Variants in NTF3 observed in about 807,000 individuals in gnomAD.
NTF3 encodes neurotrophin-3.
Under a neutral mutation model 26.3 loss-of-function variants are expected in NTF3, and 8 were observed. The observed-to-expected ratio is 0.30, with a 90% CI of 0.18 to 0.55. The LOEUF (loss-of-function observed/expected upper bound fraction) is 0.55, where lower values mean the gene tolerates loss of function less well. Among genes scored for constraint, NTF3 ranks in the 20% least tolerant of loss-of-function variants. The pLI is 0.93. For missense variants in NTF3, 276 were observed against 352.9 expected, an observed-to-expected ratio of 0.78 and a Z score of 1.75; for synonymous variants, 154 against 145.5, an observed-to-expected ratio of 1.06 and a Z score of -0.42.
chr12:5,452,387 G>A (rs1048772235), intron 1 of NTF3, among the ~76,000 whole-genome samples: 7 of 152,142 alleles, frequency 4.6e-5, no homozygotes, highest in Admixed American at 3.3e-4. Flanking sequence ...GAGCCACCGC[G>A]CCTGGCCCTC....
chr12:5,482,101 CATAG>C (rs1369333070), intron 1 of NTF3, among the ~76,000 whole-genome samples: 1 of 152,078 alleles, frequency 6.6e-6, no homozygotes, highest in East Asian at 1.9e-4. Context: ...GCACTACATA[CATAG>C]AGACATACAA....
intron 1 of NTF3, among the ~76,000 whole-genome samples, chr12:5,492,252 C>A (rs953424193): frequency 1.3e-5 from 2 of 152,166 alleles, no homozygotes; most frequent in African/African-American, 4.8e-5. Flanking sequence ...CTTATTCTAC[C>A]TGGGACCTCC....
intron 1 of NTF3, among the ~76,000 whole-genome samples, chr12:5,459,320 C>T (rs1384841396): frequency 6.6e-6 from 1 of 152,140 alleles, no homozygotes; most frequent in Non-Finnish European, 1.5e-5. Context: ...CAATTCTTGC[C>T]AGTGGAAGAG....
chr12:5,458,331 G>A (rs1029587383), intron 1 of NTF3, among the ~76,000 whole-genome samples: 3 of 152,134 alleles, frequency 2.0e-5, no homozygotes, highest in Admixed American at 2.0e-4. Flanking sequence ...GTCCTCTGTC[G>A]CATTCTGGGG....
intron 1 of NTF3, among the ~76,000 whole-genome samples, chr12:5,452,963 C>T (rs1214211839): frequency 6.6e-6 from 1 of 152,208 alleles, no homozygotes; most frequent in African/African-American, 2.4e-5. Flanking sequence ...GCCGGGCTGA[C>T]TTGGCTGTGA....
intron 1 of NTF3, among the ~76,000 whole-genome samples, chr12:5,477,189 G>A (rs1940735447): frequency 1.3e-5 from 2 of 152,198 alleles, no homozygotes; most frequent in Admixed American, 1.3e-4. Context: ...CCTAGTGTTT[G>A]AGAACGTGGG....
chr12:5,468,919 G>A (rs1940628180), intron 1 of NTF3, among the ~76,000 whole-genome samples: 1 of 152,172 alleles, frequency 6.6e-6, no homozygotes, highest in South Asian at 2.1e-4. Flanking sequence ...CCAGGAGTAA[G>A]AGACCAGCCT....
chr12:5,456,849 C>T lies in NTF3; in HGVS notation c.18+24507C>T, dbSNP rs983503055. Among the ~76,000 whole-genome samples the T allele has an allele frequency of 2.0e-5, 3 of 152,182 alleles. No individual in the cohort carries two copies. Among genetic ancestry groups the T allele is most frequent in the African/African-American group, 7.2e-5 (3 of 41,444 alleles). ...TCAAGTGATTTGGGCCCGAGTTGAC[C>T]CAGAGTCCCTAAATGACTGCTGTGT... On this transcript the variant is annotated intron_variant, in intron 1 of 1. Coordinates refer to ENST00000423158, the MANE Select transcript of NTF3 (RefSeq NM_001102654.2). This position sits in a 1 kb window ranked among gnomAD's most constrained non-coding sequence, Gnocchi z 4.4.
At chr12:5,431,991 G>A, upstream of NTF3, 1 of 149,402 alleles carries the variant, frequency 6.7e-6, no homozygotes, top group Non-Finnish European at 1.5e-5. Flanking sequence ...GCGGGCGCGC[G>A]CGGCGCGGCG....
chr12:5,465,255 G>A (rs1030617310), intron 1 of NTF3, among the ~76,000 whole-genome samples: 38 of 152,232 alleles, frequency 2.5e-4, no homozygotes, highest in African/African-American at 8.7e-4. Context: ...GGGAGAGCCC[G>A]ATTCAAGGCA....
intron 1 of NTF3, among the ~76,000 whole-genome samples, chr12:5,490,037 C>T (rs1373270198): frequency 2.0e-5 from 3 of 152,178 alleles, no homozygotes; most frequent in Non-Finnish European, 4.4e-5. Flanking sequence ...TCTTGGAAAA[C>T]TCTGAGCAGG....
At chr12:5,482,503 T>C (rs1242242137) in intron 1 of NTF3, among the ~76,000 whole-genome samples, 2 of 152,212 alleles carry the variant, frequency 1.3e-5, no homozygotes, top group African/African-American at 2.4e-5. Flanking sequence ...GCTTTGGAGA[T>C]GGTGGCAGGG....
chr12:5,490,304 G>A (rs765118818), intron 1 of NTF3, among the ~76,000 whole-genome samples: 1 of 152,198 alleles, frequency 6.6e-6, no homozygotes, highest in Non-Finnish European at 1.5e-5. Flanking sequence ...GTAAATAGAC[G>A]TCGAAAGTCC....
Position 5,433,399 on chromosome 12 carries a change from G to T in NTF3, c.18+1057G>T, listed in dbSNP as rs1008566055. The T allele has an allele frequency of 6.6e-6, 1 of 152,466 alleles. No homozygotes were observed. The highest frequency in any genetic ancestry group is 6.5e-5 in the Admixed American group (1 of 15,298). The allele number at this position is 152,466 out of a possible 1,614,324, so 9.4% of individuals were successfully genotyped here. On this transcript the variant is annotated intron_variant, in intron 1 of 1. Transcript: ENST00000423158. The surrounding 1 kb of genome is among the most constrained non-coding windows in gnomAD (Gnocchi z 4.6). ...TGCCCCAGAGCTTTACTCAGTGGTG[G>T]ATGCTCCTGATGAAATTTGGGACGC...
At chr12:5,454,295 T>C (rs948534618) in intron 1 of NTF3, among the ~76,000 whole-genome samples, 1 of 152,218 alleles carries the variant, frequency 6.6e-6, no homozygotes, top group African/African-American at 2.4e-5. Flanking sequence ...ACACTGTCTT[T>C]CCTCTGTGCA....
intron 1 of NTF3, among the ~76,000 whole-genome samples, chr12:5,464,661 C>T (rs1425278821): frequency 6.6e-6 from 1 of 152,122 alleles, no homozygotes; most frequent in East Asian, 1.9e-4. Context: ...TGATGCAGGG[C>T]CAAGCTTCAG....
intron 1 of NTF3, among the ~76,000 whole-genome samples, chr12:5,467,027 C>G (rs890378372): frequency 1.3e-5 from 2 of 151,960 alleles, no homozygotes; most frequent in African/African-American, 4.8e-5. Flanking sequence ...GTCAGGAGTT[C>G]AAGACCAGCC....
intron 1 of NTF3, among the ~76,000 whole-genome samples, chr12:5,474,579 A>C (rs1223723416): frequency 6.6e-6 from 1 of 152,200 alleles, no homozygotes; most frequent in East Asian, 1.9e-4. Context: ...TGAAGGGCAG[A>C]CAATGCTGAG....
intron 1 of NTF3, among the ~76,000 whole-genome samples, chr12:5,486,548 T>A (rs537482359): frequency 6.6e-6 from 1 of 152,350 alleles, no homozygotes; most frequent in South Asian, 2.1e-4. Context: ...TATAGCATTT[T>A]GCAGACAACG....
Sources: gnomAD v4.1 joint callset for allele counts (sites outside exome capture counted in the v4.1 genomes callset) on GRCh38, gnomAD v4.1.1 for gene constraint, Gnocchi (gnomAD v3.1) non-coding constraint, MANE v1.5 for transcripts, NCBI Gene and HGNC (gene_info 2026-07-23, HGNC 2026-07-21) for gene names.